The following SLC44A5 variants were observed in gnomAD, a reference collection of about 807,000 sequenced individuals.
SLC44A5 encodes the protein choline transporter-like protein 5.
Under a neutral mutation model 101.8 loss-of-function variants are expected in SLC44A5, and 57 were observed. That is an observed-to-expected ratio of 0.56 (90% CI 0.45 to 0.70). The LOEUF is 0.70. SLC44A5 is among the 30% of genes least tolerant of loss of function. The pLI, the probability that SLC44A5 is intolerant of heterozygous loss-of-function variation, is 0.00. For synonymous variants in SLC44A5, 281 were observed against 290.9 expected, an observed-to-expected ratio of 0.97 and a Z score of 0.35; for missense variants, 737 against 853.1, an observed-to-expected ratio of 0.86 and a Z score of 1.70.
intron 4 of SLC44A5, among the ~76,000 whole-genome samples, chr1:75,304,047 T>C (rs1265581297): frequency 4.6e-5 from 7 of 152,166 alleles, no homozygotes; most frequent in Non-Finnish European, 8.8e-5. Context: ...GCTTACTATA[T>C]GCATACAAAT....
chr1:75,545,762 G>A (rs2101965813), intron 1 of SLC44A5, among the ~76,000 whole-genome samples: 1 of 151,198 alleles, frequency 6.6e-6, no homozygotes, highest in Non-Finnish European at 1.5e-5. Flanking sequence ...GCAAAATGTT[G>A]ATCTTCTACC....
At chr1:75,414,053 GT>G (rs969848598) in intron 2 of SLC44A5, among the ~76,000 whole-genome samples, 11 of 151,812 alleles carry the variant, frequency 7.2e-5, no homozygotes, top group East Asian at 1.9e-4. Context: ...TTTTCTATCA[GT>G]TTTTTTTCTT....
chr1:75,298,701 A>C (rs1220381246), intron 5 of SLC44A5, among the ~76,000 whole-genome samples: 1 of 152,158 alleles, frequency 6.6e-6, no homozygotes, highest in Non-Finnish European at 1.5e-5. Flanking sequence ...ATCTTTGTGA[A>C]GTTCCTGTGT....
At chr1:75,302,992 C>T (rs778353807) in intron 4 of SLC44A5, among the ~76,000 whole-genome samples, 25 of 152,092 alleles carry the variant, frequency 1.6e-4, no homozygotes, top group Non-Finnish European at 2.9e-4. Context: ...CTGTGCATCA[C>T]GGATGGCCAC....
chr1:75,446,313 C>T (rs1466928555), intron 2 of SLC44A5, among the ~76,000 whole-genome samples: 2 of 152,142 alleles, frequency 1.3e-5, no homozygotes, highest in African/African-American at 4.8e-5. Flanking sequence ...CTCACTCAAT[C>T]TACTTCAGCC....
chr1:75,402,057 C>T (rs182099766), intron 2 of SLC44A5, among the ~76,000 whole-genome samples: 3 of 152,138 alleles, frequency 2.0e-5, no homozygotes, highest in Admixed American at 2.0e-4. Context: ...CCAAAGTCTA[C>T]AAAATCATAA....
chr1:75,607,523 T>A (rs1171632125), intron 1 of SLC44A5, among the ~76,000 whole-genome samples: 2 of 152,018 alleles, frequency 1.3e-5, no homozygotes, highest in African/African-American at 2.4e-5. Context: ...TAATAAATAA[T>A]TATTACAACC....
intron 2 of SLC44A5, among the ~76,000 whole-genome samples, chr1:75,503,144 T>C (rs1669059029): frequency 6.6e-6 from 1 of 152,160 alleles, no homozygotes; most frequent in East Asian, 1.9e-4. Context: ...ATAGTTTCAC[T>C]TTACCTCAAC....
chr1:75,299,763 C>G (rs1475024005), intron 5 of SLC44A5, among the ~76,000 whole-genome samples: 1 of 151,796 alleles, frequency 6.6e-6, no homozygotes, highest in Non-Finnish European at 1.5e-5. Context: ...GTAATCCCAG[C>G]ACTTTGGGAG....
intron 3 of SLC44A5, among the ~76,000 whole-genome samples, chr1:75,383,834 C>T (rs1485894774): frequency 1.3e-5 from 2 of 152,102 alleles, no homozygotes; most frequent in East Asian, 3.9e-4. Context: ...CAAAGGGAAG[C>T]CCATCAGACT....
At chr1:75,477,994 G>T (rs1339592782) in intron 2 of SLC44A5, among the ~76,000 whole-genome samples, 12 of 152,152 alleles carry the variant, frequency 7.9e-5, no homozygotes, top group Non-Finnish European at 1.5e-5. Flanking sequence ...GTTAAGGGCA[G>T]CCAGAGAGAA....
chr1:75,720,183 T>C, the SLC44A5 span, among the ~76,000 whole-genome samples: 1 of 152,234 alleles, frequency 6.6e-6, no homozygotes, highest in Non-Finnish European at 1.5e-5. Flanking sequence ...GTAATGGCAC[T>C]GGGATCCACC....
At chr1:75,362,847 C>T (rs1056314887) in intron 3 of SLC44A5, among the ~76,000 whole-genome samples, 4 of 152,002 alleles carry the variant, frequency 2.6e-5, no homozygotes, top group African/African-American at 4.8e-5. Flanking sequence ...TAAGTCCACG[C>T]GAGTATAAGT....
At chr1:75,351,868 A>AAAAAAAAAAAG (rs1553165361) in intron 3 of SLC44A5, among the ~76,000 whole-genome samples, 3 of 58,472 alleles carry the variant, frequency 5.1e-5, no homozygotes, top group Non-Finnish European at 1.1e-4. Flanking sequence ...AAAAAAAAAA[A>AAAAAAAAAAAG]AGAGAGAGAG....
chr1:75,246,337 A>T (rs1649105862), intron 7 of SLC44A5, among the ~76,000 whole-genome samples: 1 of 152,124 alleles, frequency 6.6e-6, no homozygotes, highest in African/African-American at 2.4e-5. Flanking sequence ...GGAATGATAG[A>T]TTTGTAGAGT....
intron 1 of SLC44A5, among the ~76,000 whole-genome samples, chr1:75,609,571 G>A (rs1675531964): frequency 6.6e-6 from 1 of 151,878 alleles, no homozygotes; most frequent in African/African-American, 2.4e-5. Context: ...TTTTGGTTCG[G>A]TAGTGCTTCA....
the SLC44A5 span, among the ~76,000 whole-genome samples, chr1:75,679,443 G>T: frequency 1.3e-5 from 2 of 152,158 alleles, no homozygotes; most frequent in Admixed American, 1.3e-4. Flanking sequence ...CCAGAAGAGA[G>T]TGGGGGCCAA....
chr1:75,603,807 T>C (rs1675156305), intron 1 of SLC44A5, among the ~76,000 whole-genome samples: 1 of 149,692 alleles, frequency 6.7e-6, no homozygotes, highest in African/African-American at 2.5e-5. Flanking sequence ...ATTGTATGTC[T>C]TCTTTTGAGA....
rs189313812 is a variant in SLC44A5, at chr1:75,466,175, G to C, written c.14-69554C>G. On this transcript the variant is annotated intron_variant, in intron 2 of 23. Coordinates refer to ENST00000370859, the MANE Select transcript of SLC44A5 (RefSeq NM_001130058.2). ...CAACAATACATTTAAAAGGCCATTT[G>C]TCATGACCAAATGGGATTTATCCCT... Among the ~76,000 whole-genome samples, 151 of 152,232 alleles carry C rather than the reference G, an allele frequency of 9.9e-4. 1 individual carries two copies. Among genetic ancestry groups the C allele is most frequent in the Non-Finnish European group, 7.4e-5 (5 of 68,014 alleles).
Sources: allele counts gnomAD v4.1 joint callset (sites outside exome capture counted in the v4.1 genomes callset), GRCh38; gene constraint gnomAD v4.1.1; transcripts MANE v1.5; gene names NCBI Gene and HGNC (gene_info 2026-07-23, HGNC 2026-07-21).